The following DSCAM variants were observed in gnomAD, a reference collection of about 807,000 sequenced individuals.
DSCAM encodes cell adhesion molecule DSCAM.
In DSCAM, 47 loss-of-function variants were observed where a neutral mutation model predicts 217.7. The ratio of observed to expected loss-of-function variants is 0.22; its 90% CI spans 0.17 to 0.28. DSCAM has a LOEUF of 0.28. Among genes scored for constraint, DSCAM ranks in the 10% least tolerant of loss-of-function variants. The pLI is 1.00. For missense variants in DSCAM, 2,080 were observed against 2,618.3 expected (o/e 0.79, Z 4.49); for synonymous variants, 1,056 against 1,015.3 (o/e 1.04, Z -0.76).
chr21:40,302,016 GAACA>G lies in DSCAM; in HGVS notation c.2063-5846_2063-5843del, dbSNP rs555925801. The stretch of plus-strand genomic sequence containing the variant: ...GCCGTTTGGGCCAAAACTTATGACA[GAACA>G]AAAAGACCACCAGTACTCTATATTG... On this transcript the variant is annotated intron_variant, in intron 9 of 32. Coordinates refer to ENST00000400454, the MANE Select transcript of DSCAM (RefSeq NM_001389.5). Among the ~76,000 whole-genome samples, 300 of 152,216 alleles carry G rather than the reference GAACA, an allele frequency of 2.0e-3. 3 individuals carry two copies. Among genetic ancestry groups the G allele is most frequent in the African/African-American group, 7.1e-3 (296 of 41,530 alleles).
At chr21:40,542,921 G>A (rs1031147118) in intron 3 of DSCAM, among the ~76,000 whole-genome samples, 3 of 152,018 alleles carry the variant, frequency 2.0e-5, no homozygotes, top group Non-Finnish European at 4.4e-5. Context: ...GCTCCAGGTA[G>A]GTGTCCTCTT....
Position 40,707,081 on chromosome 21 carries a change from T to C in DSCAM, c.361+1373A>G, listed in dbSNP as rs200067005. Among the ~76,000 whole-genome samples, 8 of 152,338 alleles carry C rather than the reference T, an allele frequency of 5.3e-5. No homozygotes were observed. In the East Asian group the frequency reaches 1.5e-3, roughly 29 times the overall value. Reference sequence around the variant, plus strand: ...TATGACTAATTTAGAAGATGATAGTTAAAACAGGAGTAAGCATTTCATTCC... The same window carrying C: ...TATGACTAATTTAGAAGATGATAGTCAAAACAGGAGTAAGCATTTCATTCC... On this transcript the variant is annotated intron_variant, in intron 2 of 32. Transcript: ENST00000400454.
chr21:40,605,968 T>C (rs1325243790), intron 3 of DSCAM, among the ~76,000 whole-genome samples: 1 of 151,764 alleles, frequency 6.6e-6, no homozygotes, highest in Non-Finnish European at 1.5e-5. Flanking sequence ...GCCCAGCTAA[T>C]TTTTGTATTT....
intron 1 of DSCAM, among the ~76,000 whole-genome samples, chr21:40,843,223 A>AT (rs1292002228): frequency 6.6e-6 from 1 of 152,148 alleles, no homozygotes; most frequent in Non-Finnish European, 1.5e-5. Context: ...AAGGTGCTGC[A>AT]TACTCATCTT....
intron 11 of DSCAM, among the ~76,000 whole-genome samples, chr21:40,255,485 T>C (rs1029824729): frequency 6.6e-6 from 1 of 152,236 alleles, no homozygotes; most frequent in South Asian, 2.1e-4. Context: ...AATATGTTAC[T>C]GTACACAGTG....
rs531851312 is a variant in DSCAM, at chr21:40,137,089, G to A, written c.3407-3080C>T. ...CTCGGGGAGGCTGAGGCAAGAGAAC[G>A]GCGTGAACCTGGGAGGTGGAGCTTG... On this transcript the variant is annotated intron_variant, in intron 18 of 32. Coordinates refer to ENST00000400454, the MANE Select transcript of DSCAM (RefSeq NM_001389.5). Among the ~76,000 whole-genome samples the A allele has an allele frequency of 4.4e-4, 66 of 151,138 alleles. 1 individual carries two copies. The highest frequency in any genetic ancestry group is 1.2e-3 in the East Asian group (6 of 5,134).
chr21:40,205,891 A>G (rs2091119982), intron 11 of DSCAM, among the ~76,000 whole-genome samples: 1 of 152,250 alleles, frequency 6.6e-6, no homozygotes, highest in Admixed American at 6.5e-5. Context: ...AGATTGTTGC[A>G]CTGCTCTCTC....
chr21:40,466,922 C>T (rs2837641), intron 3 of DSCAM, among the ~76,000 whole-genome samples: 11,215 of 152,240 alleles, frequency 0.074, 806 homozygotes, highest in African/African-American at 0.18. Flanking sequence ...TTCAAATTTA[C>T]ATTGTTTTCC....
In DSCAM at chr21:40,140,138, G is replaced by A. The variant is rs146025923; in HGVS notation, c.3406+2420C>T. Among the ~76,000 whole-genome samples, 289 of 152,214 alleles carry A rather than the reference G, an allele frequency of 1.9e-3. 3 individuals are homozygous for A. Among genetic ancestry groups the A allele is most frequent in the African/African-American group, 6.6e-3 (274 of 41,512 alleles). The stretch of plus-strand genomic sequence containing the variant: ...GTGCAAAAGTGTCCAGTAGCCCCGT[G>A]AACTGACCTGCCTCATAAACGAAAT... On this transcript the variant is annotated intron_variant, in intron 18 of 32. Transcript: ENST00000400454.
chr21:40,556,705 G>A (rs1186063104), intron 3 of DSCAM, among the ~76,000 whole-genome samples: 2 of 152,062 alleles, frequency 1.3e-5, no homozygotes, highest in Non-Finnish European at 1.5e-5. Context: ...GCTCTGGAGG[G>A]AGCTCACAGA....
intron 2 of DSCAM, among the ~76,000 whole-genome samples, chr21:40,700,863 A>G (rs777270196): frequency 6.6e-6 from 1 of 151,704 alleles, no homozygotes; most frequent in Non-Finnish European, 1.5e-5. Context: ...CAGTCTCCCA[A>G]GTAGCTGGGA....
intron 3 of DSCAM, among the ~76,000 whole-genome samples, chr21:40,487,174 G>C (rs938880321): frequency 6.6e-6 from 1 of 151,492 alleles, no homozygotes; most frequent in African/African-American, 2.4e-5. Context: ...CTTATCTATG[G>C]GTTCATGGAA....
At chr21:40,364,246 T>C (rs1399038813) in intron 4 of DSCAM, among the ~76,000 whole-genome samples, 3 of 152,104 alleles carry the variant, frequency 2.0e-5, no homozygotes, top group East Asian at 1.9e-4. Flanking sequence ...TATTGAGGCA[T>C]TATTCACAAT....
chr21:40,168,691 T>C (rs1426803200), intron 15 of DSCAM, among the ~76,000 whole-genome samples: 8 of 152,136 alleles, frequency 5.3e-5, no homozygotes, highest in African/African-American at 1.9e-4. Flanking sequence ...TAAAGCTATC[T>C]TATAGATAAA....
intron 1 of DSCAM, among the ~76,000 whole-genome samples, chr21:40,730,442 C>G (rs192285820): frequency 6.6e-6 from 1 of 152,140 alleles, no homozygotes; most frequent in Non-Finnish European, 1.5e-5. Context: ...TAAATTAAAC[C>G]GACCCAGGAT....
chr21:40,704,807 G>A (rs1174492944), intron 2 of DSCAM, among the ~76,000 whole-genome samples: 1 of 152,216 alleles, frequency 6.6e-6, no homozygotes, highest in Admixed American at 6.5e-5. Context: ...CATCTATGAT[G>A]ACTGCAACAG....
In DSCAM at chr21:40,187,161, C is replaced by T; in HGVS notation, c.2749G>A (p.Gly917Ser). Residue 917 changes from glycine (G) to serine (S), a missense_variant, in exon 14 of 33, where the codon GGC (glycine) becomes AGC (serine). Coordinates refer to ENST00000400454, the MANE Select transcript of DSCAM (RefSeq NM_001389.5). ...MGFDGNSPIT[G>S]YDIECKNKSD... is the part of the protein sequence containing the mutation. ...TTATTTTTGCATTCAATATCGTAGC[C>T]TGTGATGGGACTGTTTCCATCAAAC... The T allele has an allele frequency of 6.2e-7, 1 of 1,614,104 alleles. No homozygotes were observed. Among genetic ancestry groups the T allele is most frequent in the Non-Finnish European group, 8.5e-7 (1 of 1,179,980 alleles).
intron 3 of DSCAM, among the ~76,000 whole-genome samples, chr21:40,423,881 T>TGTGAGGG (rs2075448317): frequency 6.6e-6 from 1 of 152,180 alleles, no homozygotes; most frequent in East Asian, 1.9e-4. Context: ...GAGCGGAGGC[T>TGTGAGGG]GTGAGGGGTG....
At chr21:40,635,444 T>G (rs2089744706) in intron 3 of DSCAM, among the ~76,000 whole-genome samples, 2 of 152,052 alleles carry the variant, frequency 1.3e-5, no homozygotes, top group Admixed American at 1.3e-4. Flanking sequence ...GTAGAGTTAA[T>G]GAAAATAATC....
Sources: gnomAD v4.1 joint callset for allele counts (sites outside exome capture counted in the v4.1 genomes callset) on GRCh38, gnomAD v4.1.1 for gene constraint, MANE v1.5 for transcripts, NCBI Gene and HGNC (gene_info 2026-07-23, HGNC 2026-07-21) for gene names.